ELOVL6: variants seen among roughly 807,000 people sequenced by gnomAD.
ELOVL6 encodes the protein very long chain fatty acid elongase 6.
Under a neutral mutation model 31.7 loss-of-function variants are expected in ELOVL6, and 8 were observed. That is an observed-to-expected ratio of 0.25 (90% CI 0.15 to 0.45). The LOEUF (loss-of-function observed/expected upper bound fraction) is 0.45, where lower values mean the gene tolerates loss of function less well. Among genes scored for constraint, ELOVL6 ranks in the 20% least tolerant of loss-of-function variants. The pLI, the probability that ELOVL6 is intolerant of heterozygous loss-of-function variation, is 1.00. For missense variants in ELOVL6, 126 were observed against 326.4 expected (o/e 0.39, Z 4.73); for synonymous variants, 101 against 117.7 (o/e 0.86, Z 0.92).
intron 2 of ELOVL6, among the ~76,000 whole-genome samples, chr4:110,067,409 G>A (rs1344954379): frequency 6.6e-6 from 1 of 152,114 alleles, no homozygotes; most frequent in African/African-American, 2.4e-5. Flanking sequence ...GCATTAGTCC[G>A]TTCTCACACT....
At position 110,084,194 on chromosome 4, in the gene ELOVL6, T is replaced by TATATATAACATATATGTGA. The variant is rs1491255162; in HGVS notation, c.221+21302_221+21303insTCACATATATGTTATATAT. 5.7e-4 allele frequency among the ~76,000 whole-genome samples: 43 copies of TATATATAACATATATGTGA among 76,030 alleles called. 1 individual carries two copies. Among genetic ancestry groups the TATATATAACATATATGTGA allele is most frequent in the African/African-American group, 2.4e-3 (41 of 16,748 alleles). The allele number at this position is 76,030 out of a possible 152,430, so 49.9% of individuals were successfully genotyped here. On this transcript the variant is annotated intron_variant, in intron 2 of 3. Transcript: ENST00000302274. ...ATATATGATATATATAACATATAAC[T>TATATATAACATATATGTGA]TATATGATATATATAACATATAACT...
chr4:110,147,188 G>T, intron 1 of ELOVL6: 1 of 177,334 alleles, frequency 5.6e-6, no homozygotes, highest in Non-Finnish European at 1.1e-5. Context: ...GAGGAGGTTG[G>T]ATACAGAAAA....
intron 2 of ELOVL6, among the ~76,000 whole-genome samples, chr4:110,091,365 A>T (rs1262150543): frequency 6.6e-6 from 1 of 152,176 alleles, no homozygotes; most frequent in African/African-American, 2.4e-5. Context: ...ACAACTGGAA[A>T]AGTACTAGAG....
At chr4:110,095,356 C>T (rs914844287) in intron 2 of ELOVL6, among the ~76,000 whole-genome samples, 1 of 151,998 alleles carries the variant, frequency 6.6e-6, no homozygotes, top group African/African-American at 2.4e-5. Flanking sequence ...GTGGCACACG[C>T]CTGTAATCCC....
At chr4:110,137,176 T>C (rs1433140206) in intron 1 of ELOVL6, among the ~76,000 whole-genome samples, 6 of 152,184 alleles carry the variant, frequency 3.9e-5, no homozygotes, top group Non-Finnish European at 7.4e-5. Context: ...TCAGACTTTG[T>C]AGTTAAAAAA....
At chr4:110,078,252 C>T (rs1008169176) in intron 2 of ELOVL6, among the ~76,000 whole-genome samples, 1 of 152,174 alleles carries the variant, frequency 6.6e-6, no homozygotes, top group Non-Finnish European at 1.5e-5. Flanking sequence ...CACAAAGATA[C>T]TCCTCAAGAA....
chr4:110,083,109 A>T (rs553928462), intron 2 of ELOVL6, among the ~76,000 whole-genome samples: 3 of 151,928 alleles, frequency 2.0e-5, no homozygotes, highest in African/African-American at 7.3e-5. Context: ...TGCCGACTAC[A>T]TACTAGGTTC....
Position 110,081,905 on chromosome 4 carries a change from C to T in ELOVL6, c.222-22151G>A, listed in dbSNP as rs182847907. Among the ~76,000 whole-genome samples, 1,228 of 150,930 alleles carry T rather than the reference C, an allele frequency of 8.1e-3. 15 individuals are homozygous for T. Among genetic ancestry groups the T allele is most frequent in the African/African-American group, 0.027 (1,134 of 41,264 alleles). On this transcript the variant is annotated intron_variant, in intron 2 of 3. Coordinates refer to ENST00000302274, the MANE Select transcript of ELOVL6 (RefSeq NM_024090.3). ...CTCAAACAAATTTACAAGAAAAAAA[C>T]AAACAGCCCCATCAAAAAGTGGGTG...
chr4:110,159,075 C>T (rs1392532431), intron 1 of ELOVL6, among the ~76,000 whole-genome samples: 2 of 152,198 alleles, frequency 1.3e-5, no homozygotes, highest in Non-Finnish European at 2.9e-5. Flanking sequence ...TCTAGACTTA[C>T]ATTGTGATTT....
rs1757799205 is a variant in ELOVL6, at chr4:110,136,016, G to C, written c.90-30388C>G. On this transcript the variant is annotated intron_variant, in intron 1 of 3. Coordinates refer to ENST00000302274, the MANE Select transcript of ELOVL6 (RefSeq NM_024090.3). The stretch of plus-strand genomic sequence containing the variant: ...ATGTGATTAGGATGTTAATAATTAA[G>C]TCTGGGCTAATATTGAAGGTATCTT... Among the ~76,000 whole-genome samples, 5 of 152,114 alleles carry C rather than the reference G, an allele frequency of 3.3e-5. No homozygotes were observed. The South Asian group carries it at 1.0e-3, about 32-fold the overall frequency.
At chr4:110,083,613 T>C (rs1372482236) in intron 2 of ELOVL6, among the ~76,000 whole-genome samples, 1 of 151,670 alleles carries the variant, frequency 6.6e-6, no homozygotes, top group Non-Finnish European at 1.5e-5. Flanking sequence ...TTTAAGCAGG[T>C]AATGACATGA....
chr4:110,170,914 ATC>A (rs991346552), intron 1 of ELOVL6, among the ~76,000 whole-genome samples: 1 of 151,810 alleles, frequency 6.6e-6, no homozygotes, highest in Non-Finnish European at 1.5e-5. Flanking sequence ...AAAAAATGGA[ATC>A]TCTCTCTCTC....
At chr4:110,121,813 C>T (rs1757366887) in intron 1 of ELOVL6, among the ~76,000 whole-genome samples, 1 of 152,056 alleles carries the variant, frequency 6.6e-6, no homozygotes, top group Non-Finnish European at 1.5e-5. Flanking sequence ...TCCAATAGAA[C>T]ATTCCTTTCT....
intron 1 of ELOVL6, among the ~76,000 whole-genome samples, chr4:110,162,108 T>C (rs1758647271): frequency 6.6e-6 from 1 of 152,224 alleles, no homozygotes; most frequent in African/African-American, 2.4e-5. Context: ...TTTTAAATTT[T>C]ATACCATGCC....
chr4:110,136,197 C>T (rs1025657600), intron 1 of ELOVL6, among the ~76,000 whole-genome samples: 1 of 152,130 alleles, frequency 6.6e-6, no homozygotes, highest in African/African-American at 2.4e-5. Context: ...TTTGACATAT[C>T]ATGAGTGACT....
intron 1 of ELOVL6, among the ~76,000 whole-genome samples, chr4:110,128,393 G>C (rs960012662): frequency 6.6e-6 from 1 of 152,194 alleles, no homozygotes; most frequent in East Asian, 1.9e-4. Context: ...GCCAATGAAG[G>C]TTTTAAATGA....
At chr4:110,081,841 T>C (rs979545642) in intron 2 of ELOVL6, among the ~76,000 whole-genome samples, 2 of 147,606 alleles carry the variant, frequency 1.4e-5, no homozygotes. Context: ...TGCAATCTAC[T>C]CATCTGACAA....
At chr4:110,139,537 T>C (rs1355233298) in intron 1 of ELOVL6, among the ~76,000 whole-genome samples, 1 of 152,206 alleles carries the variant, frequency 6.6e-6, no homozygotes, top group African/African-American at 2.4e-5. Flanking sequence ...AGACCTGGAC[T>C]TTTTCTCTAA....
At chr4:110,141,860 T>C (rs1490328090) in intron 1 of ELOVL6, among the ~76,000 whole-genome samples, 2 of 123,428 alleles carry the variant, frequency 1.6e-5, no homozygotes, top group Admixed American at 7.8e-5. Flanking sequence ...AATTAGTATA[T>C]ATATATATAT....
Sources: allele counts gnomAD v4.1 joint callset (sites outside exome capture counted in the v4.1 genomes callset), GRCh38; gene constraint gnomAD v4.1.1; transcripts MANE v1.5; gene names NCBI Gene and HGNC (gene_info 2026-07-23, HGNC 2026-07-21).